Variants in ERBIN observed in about 807,000 individuals in gnomAD.
ERBIN encodes the protein erbb2 interacting protein, also known as densin-180-like protein.
ERBIN carries 60 observed loss-of-function variants against 158.4 expected under a neutral mutation model. The observed-to-expected ratio is 0.38, with a 90% CI of 0.31 to 0.47. The LOEUF (loss-of-function observed/expected upper bound fraction) is 0.47. ERBIN is among the 20% of genes least tolerant of loss of function. ERBIN has a pLI of 0.99. For synonymous variants in ERBIN, 594 were observed against 557.2 expected (o/e 1.07, Z -0.93); for missense variants, 1,610 against 1,648.0 (o/e 0.98, Z 0.40).
intron 21 of ERBIN, among the ~76,000 whole-genome samples, chr5:66,060,067 A>G (rs1344500008): frequency 6.6e-6 from 1 of 152,198 alleles, no homozygotes; most frequent in Non-Finnish European, 1.5e-5. Context: ...TGAGTTAGGG[A>G]GGATTCCCTC....
chr5:66,059,805 T>C (rs1760055279), intron 21 of ERBIN, among the ~76,000 whole-genome samples: 1 of 152,254 alleles, frequency 6.6e-6, no homozygotes. Context: ...TGATGTGGTT[T>C]TTGTCTTTGG....
intron 4 of ERBIN, among the ~76,000 whole-genome samples, chr5:65,995,921 A>G (rs1470378527): frequency 6.6e-6 from 1 of 152,172 alleles, no homozygotes. Context: ...GTTGAGAACT[A>G]TCTATTCAGG....
In ERBIN at chr5:66,012,012, A is replaced by G. The variant is rs768074997; in HGVS notation, c.308-37A>G. The G allele has an allele frequency of 5.3e-6, 7 of 1,332,456 alleles. No homozygotes were observed. The Admixed American group carries it at 5.8e-5, about 11-fold the overall frequency. 82.5% of individuals were successfully genotyped at this position (1,332,456 alleles called of 1,614,324 possible). On this transcript the variant is annotated intron_variant, in intron 4 of 25. Coordinates refer to ENST00000284037, the MANE Select transcript of ERBIN (RefSeq NM_001253697.2). ...TTACTGTTATTATTTTGTCCTTTGTAATAGATCTTTTAATTTGATCGTTGT... is the reference window on the plus strand; with the variant it reads ...TTACTGTTATTATTTTGTCCTTTGTGATAGATCTTTTAATTTGATCGTTGT...
At chr5:66,050,593 A>G (rs902038904) in intron 19 of ERBIN, among the ~76,000 whole-genome samples, 190 bp from the exon 20 acceptor site, 11 of 152,080 alleles carry the variant, frequency 7.2e-5, no homozygotes, top group African/African-American at 1.4e-4. Context: ...TTGAAAAATT[A>G]TATCACCATC....
In ERBIN at chr5:66,074,378, A is replaced by G. The variant is rs1019472680; in HGVS notation, c.3757-646A>G. On this transcript the variant is annotated intron_variant, in intron 22 of 25. Transcript: ENST00000284037. ...ACTTTATGAATAGGGTAGAATGTCA[A>G]CATTTAATTTTTATGGCTAATAGTC... Among the ~76,000 whole-genome samples, 4 of 151,764 alleles carry G rather than the reference A, an allele frequency of 2.6e-5. 1 individual carries two copies. Among genetic ancestry groups the G allele is most frequent in the African/African-American group, 9.7e-5 (4 of 41,240 alleles).
At position 66,078,602 on chromosome 5, in the gene ERBIN, T is replaced by C; in HGVS notation, c.*72T>C. The C allele has an allele frequency of 1.1e-6, 1 of 884,850 alleles. No individual in the cohort carries two copies. The highest frequency in any genetic ancestry group is 2.4e-5 in the Admixed American group (1 of 41,846). The allele number at this position is 884,850 out of a possible 1,614,324, so 54.8% of individuals were successfully genotyped here. A position where few individuals can be genotyped will look rare whatever the true frequency, so the allele number is the denominator to read the frequency against. Reference sequence around the variant, plus strand: ...GATACTTACAGGGGAAATTAATATTTTGACTATTTTTATATATAAAGAAGA... The same window carrying C: ...GATACTTACAGGGGAAATTAATATTCTGACTATTTTTATATATAAAGAAGA... On this transcript the variant is annotated 3_prime_UTR_variant, in exon 26 of 26. Transcript: ENST00000284037.
intron 1 of ERBIN, among the ~76,000 whole-genome samples, chr5:65,957,749 G>T (rs990938788): frequency 6.6e-6 from 1 of 152,232 alleles, no homozygotes; most frequent in Non-Finnish European, 1.5e-5. Context: ...AAGATGGGGT[G>T]GAGGCCGGGC....
intron 1 of ERBIN, among the ~76,000 whole-genome samples, chr5:65,967,336 C>A (rs751210100): frequency 6.6e-6 from 1 of 152,152 alleles, no homozygotes; most frequent in Non-Finnish European, 1.5e-5. Flanking sequence ...TCACTACTCA[C>A]TCACTGACCC....
At chr5:66,048,644 C>T in intron 18 of ERBIN, 23 bp from the exon 19 acceptor site, 2 of 1,407,984 alleles carry the variant, frequency 1.4e-6, no homozygotes, top group Non-Finnish European at 2.0e-6. Context: ...TAATTTTTAT[C>T]CCCCTCACCC....
At chr5:65,935,756 G>A (rs1046226578) in intron 1 of ERBIN, among the ~76,000 whole-genome samples, 10 of 152,162 alleles carry the variant, frequency 6.6e-5, no homozygotes, top group African/African-American at 1.4e-4. Context: ...GAAGGGTCTC[G>A]CTCTGTCGCC....
chr5:66,024,044 A>G (rs1400483752), intron 9 of ERBIN, among the ~76,000 whole-genome samples: 1 of 152,126 alleles, frequency 6.6e-6, no homozygotes, highest in African/African-American at 2.4e-5. Flanking sequence ...ATCCCCATAT[A>G]TGCTATTTCC....
intron 2 of ERBIN, among the ~76,000 whole-genome samples, chr5:65,990,540 G>GGGACCTGTAGTC (rs1554054020): frequency 6.6e-6 from 1 of 151,776 alleles, no homozygotes; most frequent in African/African-American, 2.4e-5. Context: ...CATGGTGGCG[G>GGGACCTGTAGTC]GCAGCTACTC....
chr5:66,029,798 C>T (rs1756664209), intron 14 of ERBIN, among the ~76,000 whole-genome samples: 1 of 151,856 alleles, frequency 6.6e-6, no homozygotes, highest in Non-Finnish European at 1.5e-5. Flanking sequence ...AGAAACAGGG[C>T]CAGGATGGTC....
intron 21 of ERBIN, among the ~76,000 whole-genome samples, chr5:66,056,882 C>T (rs1166291185): frequency 6.6e-6 from 1 of 152,138 alleles, no homozygotes; most frequent in Non-Finnish European, 1.5e-5. Flanking sequence ...GCATTTCTAG[C>T]AAATACCAAA....
chr5:65,955,211 G>T (rs1389951562), intron 1 of ERBIN, among the ~76,000 whole-genome samples: 1 of 152,112 alleles, frequency 6.6e-6, no homozygotes. Flanking sequence ...TAGCACATAG[G>T]GGGGCCAACA....
intron 1 of ERBIN, among the ~76,000 whole-genome samples, chr5:65,967,477 T>G (rs1345548455): frequency 6.6e-6 from 1 of 152,228 alleles, no homozygotes; most frequent in Non-Finnish European, 1.5e-5. Flanking sequence ...CTTATCATTG[T>G]GTCACAGATG....
Position 66,024,303 on chromosome 5 carries a change from T to G in ERBIN, c.673-3T>G. 2.0e-6 allele frequency: 3 copies of G among 1,486,516 alleles called. No homozygotes were observed. The highest frequency in any genetic ancestry group is 2.7e-6 in the Non-Finnish European group (3 of 1,093,052). The allele number at this position is 1,486,516 out of a possible 1,614,324, so 92.1% of individuals were successfully genotyped here. A position where few individuals can be genotyped will look rare whatever the true frequency, so the allele number is the denominator to read the frequency against. On this transcript the variant is annotated splice_region_variant and splice_polypyrimidine_tract_variant and intron_variant, in intron 9 of 25. Transcript: ENST00000284037. ...TCATTAGATTTTCTTTTTTTACTTA[T>G]AGTTTATTGGTAGTTTGAAACAGCT... is the stretch of plus-strand genomic sequence containing the variant.
chr5:65,970,962 A>G (rs1203451877), intron 1 of ERBIN, among the ~76,000 whole-genome samples: 1 of 152,050 alleles, frequency 6.6e-6, no homozygotes, highest in Non-Finnish European at 1.5e-5. Flanking sequence ...CCTAGTAGTA[A>G]CTCAGCAAAT....
chr5:65,955,202 A>G (rs1016844739), intron 1 of ERBIN, among the ~76,000 whole-genome samples: 2 of 152,230 alleles, frequency 1.3e-5, no homozygotes, highest in African/African-American at 2.4e-5. Flanking sequence ...AAATTATGCT[A>G]GCACATAGGG....
Sources: allele counts gnomAD v4.1 joint callset (sites outside exome capture counted in the v4.1 genomes callset), GRCh38; gene constraint gnomAD v4.1.1; transcripts MANE v1.5; gene names NCBI Gene and HGNC (gene_info 2026-07-23, HGNC 2026-07-21).